Variants in UBR3 observed in about 807,000 individuals in gnomAD.
UBR3 encodes ubiquitin protein ligase E3 component n-recognin 3, also known as E3 ubiquitin-protein ligase UBR3.
In UBR3, 85 loss-of-function variants were observed where a neutral mutation model predicts 243.2. That is an observed-to-expected ratio of 0.35 (90% CI 0.29 to 0.42). The LOEUF (loss-of-function observed/expected upper bound fraction) is 0.42. UBR3 is among the 10% of genes least tolerant of loss of function. The probability of loss-of-function intolerance (pLI) is 1.00; values close to 1 mark genes in which losing one functional copy is unlikely to be tolerated. For missense variants in UBR3, 1,686 were observed against 2,300.8 expected (o/e 0.73, Z 5.47); for synonymous variants, 748 against 799.8 (o/e 0.94, Z 1.09).
chr2:170,042,962 T>C (rs2091004344), intron 32 of UBR3, among the ~76,000 whole-genome samples: 1 of 152,148 alleles, frequency 6.6e-6, no homozygotes, highest in Non-Finnish European at 1.5e-5. Flanking sequence ...TCAAATTCTT[T>C]AGGCTTTTTG....
intron 24 of UBR3, among the ~76,000 whole-genome samples, chr2:169,963,104 TTTG>T (rs2087654990): frequency 1.3e-5 from 2 of 152,156 alleles, no homozygotes; most frequent in Admixed American, 6.5e-5. Context: ...TAGGCTGGTT[TTTG>T]TTGTTGTGGA....
chr2:169,997,787 G>T (rs1379751613), intron 26 of UBR3, among the ~76,000 whole-genome samples: 1 of 152,140 alleles, frequency 6.6e-6, no homozygotes, highest in Non-Finnish European at 1.5e-5. Context: ...CTGAAAATGG[G>T]TAGCTGCCTT....
chr2:170,026,475 A>G (rs1460332830), intron 30 of UBR3, among the ~76,000 whole-genome samples: 1 of 152,086 alleles, frequency 6.6e-6, no homozygotes, highest in African/African-American at 2.4e-5. Flanking sequence ...GACCAGAAAG[A>G]TGACATTATA....
intron 25 of UBR3, among the ~76,000 whole-genome samples, chr2:169,993,615 A>C (rs1197148375): frequency 6.6e-6 from 1 of 152,188 alleles, no homozygotes; most frequent in East Asian, 1.9e-4. Flanking sequence ...TCCTTCCAAC[A>C]GCATTACATC....
At chr2:170,065,971 CT>C (rs200207380) in intron 35 of UBR3, among the ~76,000 whole-genome samples, 7,902 of 140,398 alleles carry the variant, frequency 0.056, 331 homozygotes, top group African/African-American at 0.11. Context: ...TATCCCGTGC[CT>C]TTTTTTTTTT....
intron 1 of UBR3, among the ~76,000 whole-genome samples, chr2:169,840,941 T>C (rs554896938): frequency 6.6e-6 from 1 of 152,252 alleles, no homozygotes; most frequent in South Asian, 2.1e-4. Context: ...CAGCAAGCCC[T>C]GAGGCTCCAC....
intron 11 of UBR3, among the ~76,000 whole-genome samples, chr2:169,922,371 T>C (rs1417899853): frequency 6.6e-6 from 1 of 151,862 alleles, no homozygotes; most frequent in African/African-American, 2.4e-5. Context: ...CTGACTTAGC[T>C]AGTTAGTGTA....
chr2:169,867,880 A>G (rs2083311014), intron 1 of UBR3, among the ~76,000 whole-genome samples: 1 of 152,052 alleles, frequency 6.6e-6, no homozygotes, highest in Admixed American at 6.6e-5. Context: ...AAATCGTGTT[A>G]TTTTACCCAG....
intron 27 of UBR3, among the ~76,000 whole-genome samples, chr2:170,003,731 T>C (rs12612610): frequency 0.98 from 149,183 of 152,152 alleles, 73,187 homozygotes; most frequent in East Asian, 1. Context: ...AGCTCCGCCT[T>C]CCAGGTTCAC....
chr2:169,962,248 T>A (rs72874431), intron 24 of UBR3, among the ~76,000 whole-genome samples: 25,327 of 150,042 alleles, frequency 0.17, 2,331 homozygotes, highest in Admixed American at 0.23. Flanking sequence ...TTCTTAAAAA[T>A]TTTTTTTTTT....
chr2:170,032,529 C>G (rs1269684667), intron 31 of UBR3, among the ~76,000 whole-genome samples: 1 of 140,708 alleles, frequency 7.1e-6, no homozygotes, highest in Non-Finnish European at 1.5e-5. Flanking sequence ...TCTTTAATTT[C>G]CTTTAATCTG....
intron 24 of UBR3, among the ~76,000 whole-genome samples, chr2:169,968,772 T>C (rs922129914): frequency 6.6e-6 from 1 of 152,218 alleles, no homozygotes; most frequent in Non-Finnish European, 1.5e-5. Flanking sequence ...CCATACTGTT[T>C]TTCATAGTTG....
chr2:170,074,035 G>C (rs926339925), intron 36 of UBR3, among the ~76,000 whole-genome samples: 5 of 152,152 alleles, frequency 3.3e-5, no homozygotes, highest in South Asian at 2.1e-4. Context: ...TAGTTAAAGG[G>C]TTTGTATTGA....
At chr2:169,978,352 T>A (rs2088562056) in intron 24 of UBR3, among the ~76,000 whole-genome samples, 1 of 152,016 alleles carries the variant, frequency 6.6e-6, no homozygotes, top group Non-Finnish European at 1.5e-5. Flanking sequence ...GCGTGACATT[T>A]TGCTCTCTGT....
chr2:169,919,147 T>A (rs2085587535), intron 11 of UBR3, among the ~76,000 whole-genome samples: 1 of 152,194 alleles, frequency 6.6e-6, no homozygotes. Context: ...GGATACTACC[T>A]ATGGTGCATG....
chr2:169,877,237 C>T (rs1400153370), intron 3 of UBR3, among the ~76,000 whole-genome samples: 1 of 152,048 alleles, frequency 6.6e-6, no homozygotes, highest in Non-Finnish European at 1.5e-5. Context: ...ATTCTTGTGC[C>T]CCACATTCCC....
In UBR3 at chr2:170,008,941, G is replaced by T; in HGVS notation, c.4367+1G>T. ...TTCTCTTTATGTACTCTGTTGCTAG[G>T]TAGGTATATATAGTGTATACTTTTT... On this transcript the variant is annotated splice_donor_variant, in intron 29 of 38. Coordinates refer to ENST00000272793, the MANE Select transcript of UBR3 (RefSeq NM_172070.4). LOFTEE classifies it high-confidence loss of function. 1 of 1,583,962 alleles carries T rather than the reference G, an allele frequency of 6.3e-7. No homozygotes were observed.
chr2:170,029,278 T>G, intron 30 of UBR3, 68 bp from the exon 31 acceptor site: 1 of 1,296,110 alleles, frequency 7.7e-7, no homozygotes, highest in Non-Finnish European at 1.1e-6. Context: ...TAACTAGAAA[T>G]TTTGTCTGAA....
chr2:170,021,951 G>A (rs2090402200), intron 30 of UBR3, among the ~76,000 whole-genome samples: 1 of 152,060 alleles, frequency 6.6e-6, no homozygotes, highest in African/African-American at 2.4e-5. Context: ...ATCTTACTTG[G>A]CTTAGGGCGA....
Sources: gnomAD v4.1 joint callset for allele counts (sites outside exome capture counted in the v4.1 genomes callset) on GRCh38, gnomAD v4.1.1 for gene constraint, MANE v1.5 for transcripts, NCBI Gene and HGNC (gene_info 2026-07-23, HGNC 2026-07-21) for gene names.